The following PRKD3 variants were observed in gnomAD, a reference collection of about 807,000 sequenced individuals.
PRKD3 encodes protein kinase D3, also known as serine/threonine-protein kinase D3.
PRKD3 carries 47 observed loss-of-function variants against 99.2 expected under a neutral mutation model. The ratio of observed to expected loss-of-function variants is 0.47; its 90% CI spans 0.38 to 0.60. PRKD3 has a LOEUF of 0.60. Among genes scored for constraint, PRKD3 ranks in the 20% least tolerant of loss-of-function variants. The pLI, the probability that PRKD3 is intolerant of heterozygous loss-of-function variation, is 0.00. For synonymous variants in PRKD3, 392 were observed against 355.4 expected (o/e 1.10, Z -1.16); for missense variants, 1,019 against 1,088.4 (o/e 0.94, Z 0.90).
chr2:37,276,143 A>G (rs1357064775), intron 9 of PRKD3, among the ~76,000 whole-genome samples: 1 of 151,804 alleles, frequency 6.6e-6, no homozygotes, highest in Non-Finnish European at 1.5e-5. Context: ...TGACACATAC[A>G]CACACACACA....
At chr2:37,291,021 CAAT>C in intron 3 of PRKD3, 22 bp from the exon 4 acceptor site, 1 of 1,585,758 alleles carries the variant, frequency 6.3e-7, no homozygotes, top group Non-Finnish European at 8.6e-7. Context: ...AAAAGTATTA[CAAT>C]ACACGTTGTA....
At chr2:37,291,127 A>C (rs1167835184) in intron 3 of PRKD3, 128 bp from the exon 4 acceptor site, 2 of 794,288 alleles carry the variant, frequency 2.5e-6, no homozygotes, top group Non-Finnish European at 3.6e-6. Flanking sequence ...CTGGACCATA[A>C]AAGTAAATTA....
chr2:37,297,470 A>T (rs903732088), intron 2 of PRKD3, among the ~76,000 whole-genome samples: 18 of 152,190 alleles, frequency 1.2e-4, no homozygotes, highest in Non-Finnish European at 2.9e-5. Context: ...TATTACAATT[A>T]ATAACCCAAT....
intron 7 of PRKD3, 43 bp downstream of exon 7, chr2:37,282,499 G>A (rs1669898197): frequency 8.2e-7 from 1 of 1,213,190 alleles, no homozygotes; most frequent in Non-Finnish European, 1.2e-6. Context: ...AAGAATCATG[G>A]CCTTTTCTGA....
chr2:37,293,093 G>T, intron 3 of PRKD3, 40 bp downstream of exon 3: 2 of 1,508,234 alleles, frequency 1.3e-6, no homozygotes, highest in East Asian at 2.3e-5. Context: ...TAGGCTCTTT[G>T]AGGGGAAAAG....
intron 2 of PRKD3, 115 bp downstream of exon 2, chr2:37,316,122 T>G: frequency 8.9e-7 from 1 of 1,129,080 alleles, no homozygotes; most frequent in Non-Finnish European, 1.3e-6. Flanking sequence ...CTTCCAAAAA[T>G]GCACAGAATA....
At chr2:37,281,386 A>T (rs1572657721) in intron 7 of PRKD3, among the ~76,000 whole-genome samples, 1 of 152,220 alleles carries the variant, frequency 6.6e-6, no homozygotes, top group African/African-American at 2.4e-5. Flanking sequence ...TCAAGGTGTT[A>T]ATCAGTGCTA....
intron 1 of PRKD3, among the ~76,000 whole-genome samples, chr2:37,321,540 A>T (rs987372422): frequency 2.0e-5 from 3 of 152,222 alleles, no homozygotes; most frequent in Admixed American, 2.0e-4. Context: ...CTCTAACAGC[A>T]GTATTTCCAC....
chr2:37,280,062 T>G (rs1350806680), intron 7 of PRKD3, 133 bp from the exon 8 acceptor site: 3 of 631,088 alleles, frequency 4.8e-6, no homozygotes, highest in Admixed American at 3.8e-5. Flanking sequence ...CTCTTTTTTT[T>G]TTTTTTTGAG....
intron 2 of PRKD3, among the ~76,000 whole-genome samples, chr2:37,293,931 T>G (rs1471857427): frequency 6.6e-6 from 1 of 152,224 alleles, no homozygotes; most frequent in African/African-American, 2.4e-5. Flanking sequence ...TGTTTTCCTG[T>G]TTGCTTTGCC....
chr2:37,321,048 C>T (rs1214558436), intron 1 of PRKD3, among the ~76,000 whole-genome samples: 1 of 152,122 alleles, frequency 6.6e-6, no homozygotes, highest in African/African-American at 2.4e-5. Flanking sequence ...AATATTAAAC[C>T]TAATAACTGT....
chr2:37,280,052 CTCTTTTTTTTT>C lies in PRKD3; in HGVS notation c.989-134_989-124del, dbSNP rs1669778012. The C allele has an allele frequency of 6.8e-6, 4 of 591,862 alleles. No homozygotes were observed. The South Asian group carries it at 1.1e-4, about 16-fold the overall frequency. 36.7% of individuals were successfully genotyped at this position (591,862 alleles called of 1,614,324 possible). Reference sequence around the variant, plus strand: ...TCTTTATGAGTTAAGTAAAGTATTTCTCTTTTTTTTTTTTTTTGAGATAGAGTTTCACTCTT... The same window carrying C: ...TCTTTATGAGTTAAGTAAAGTATTTCTTTTTTGAGATAGAGTTTCACTCTT... On this transcript the variant is annotated intron_variant, in intron 7 of 18. Coordinates refer to ENST00000234179, the MANE Select transcript of PRKD3 (RefSeq NM_005813.6).
At chr2:37,281,255 T>C (rs1035574437) in intron 7 of PRKD3, among the ~76,000 whole-genome samples, 1 of 152,204 alleles carries the variant, frequency 6.6e-6, no homozygotes. Flanking sequence ...CGTATCCATT[T>C]GTTATAAGGT....
At chr2:37,256,627 AATTTTTTTTTTT>A in intron 17 of PRKD3, 23 bp downstream of exon 17, 1 of 1,247,358 alleles carries the variant, frequency 8.0e-7, no homozygotes, top group Admixed American at 3.3e-5. Flanking sequence ...ACATAGCCAA[AATTTTTTTTTTT>A]TTTTTTTTTT....
At chr2:37,321,857 T>G (rs771232234) in intron 1 of PRKD3, among the ~76,000 whole-genome samples, 1 of 152,214 alleles carries the variant, frequency 6.6e-6, no homozygotes, top group Non-Finnish European at 1.5e-5. Flanking sequence ...ACAAAAGGAT[T>G]CCAGGAAGGC....
intron 9 of PRKD3, 52 bp downstream of exon 9, chr2:37,277,814 G>T: frequency 1.9e-6 from 3 of 1,583,080 alleles, no homozygotes; most frequent in Non-Finnish European, 2.6e-6. Flanking sequence ...TGCACAGAAT[G>T]AAACTCATAA....
intron 14 of PRKD3, among the ~76,000 whole-genome samples, chr2:37,262,345 A>T (rs1668526927): frequency 6.6e-6 from 1 of 152,212 alleles, no homozygotes; most frequent in African/African-American, 2.4e-5. Context: ...CCATTGTTTA[A>T]TAAACTCTCT....
chr2:37,291,014 A>C lies in PRKD3; in HGVS notation c.428-15T>G. ...TGTGGCTAAAGCTTTAAAAAAGAAA[A>C]GTATTACAATACACGTTGTATTTGT... On this transcript the variant is annotated splice_polypyrimidine_tract_variant and intron_variant, in intron 3 of 18. Coordinates refer to ENST00000234179, the MANE Select transcript of PRKD3 (RefSeq NM_005813.6). 1.3e-6 allele frequency: 2 copies of C among 1,594,354 alleles called. No homozygotes were observed. Among genetic ancestry groups the C allele is most frequent in the Non-Finnish European group, 1.7e-6 (2 of 1,170,234 alleles).
chr2:37,280,273 G>A (rs966113662), intron 7 of PRKD3, among the ~76,000 whole-genome samples: 2 of 152,086 alleles, frequency 1.3e-5, no homozygotes, highest in Non-Finnish European at 2.9e-5. Flanking sequence ...TCGAACTCCT[G>A]ACCTCAGGGG....
Sources: gnomAD v4.1 joint callset for allele counts (sites outside exome capture counted in the v4.1 genomes callset) on GRCh38, gnomAD v4.1.1 for gene constraint, MANE v1.5 for transcripts, NCBI Gene and HGNC (gene_info 2026-07-23, HGNC 2026-07-21) for gene names.